Variants in PVT1 observed in about 807,000 individuals in gnomAD.
The protein encoded by PVT1 is Pvt1 oncogene.
At chr8:127,846,550 G>T (rs945850185) in intron 2 of PVT1, among the ~76,000 whole-genome samples, 26 of 152,194 alleles carry the variant, frequency 1.7e-4, no homozygotes, top group Non-Finnish European at 7.3e-5. Context: ...TGGAGCCTGT[G>T]CCGTGTGTTT....
chr8:127,900,440 C>T (rs754347997), intron 3 of PVT1, among the ~76,000 whole-genome samples: 12 of 152,140 alleles, frequency 7.9e-5, no homozygotes, highest in Non-Finnish European at 1.5e-4. Context: ...ATACAAGTAC[C>T]TCTCCTGAAC....
intron 3 of PVT1, among the ~76,000 whole-genome samples, chr8:127,916,711 G>C (rs1815990066): frequency 6.6e-6 from 1 of 152,210 alleles, no homozygotes; most frequent in African/African-American, 2.4e-5. Context: ...GAAGCAGGGA[G>C]AACTGGCCTT....
chr8:128,000,579 G>A (rs1817164228), intron 4 of PVT1, among the ~76,000 whole-genome samples: 1 of 152,262 alleles, frequency 6.6e-6, no homozygotes, highest in Non-Finnish European at 1.5e-5. Context: ...GGCCCAGAAT[G>A]GCCAGACCTG....
chr8:128,046,316 G>A (rs1378802423), intron 4 of PVT1, among the ~76,000 whole-genome samples: 1 of 152,178 alleles, frequency 6.6e-6, no homozygotes, highest in African/African-American at 2.4e-5. Flanking sequence ...GGCCCTAAGA[G>A]GCCTCTGCTG....
intron 4 of PVT1, among the ~76,000 whole-genome samples, chr8:128,055,166 C>T (rs549792245): frequency 2.2e-4 from 34 of 151,594 alleles, no homozygotes; most frequent in South Asian, 1.7e-3. Flanking sequence ...CACACACATG[C>T]ACAGACACAC....
chr8:127,953,828 TG>T (rs1816537434), intron 3 of PVT1, among the ~76,000 whole-genome samples: 1 of 152,102 alleles, frequency 6.6e-6, no homozygotes, highest in African/African-American at 2.4e-5. Context: ...TCTTTTCTTT[TG>T]TTTCCTTTTC....
chr8:127,900,378 A>T (rs1815743672), intron 3 of PVT1, among the ~76,000 whole-genome samples: 1 of 151,976 alleles, frequency 6.6e-6, no homozygotes, highest in Non-Finnish European at 1.5e-5. Flanking sequence ...AAAAAAAAAT[A>T]GATAAATGGG....
At chr8:128,092,342 C>T (rs1463517554) in intron 5 of PVT1, among the ~76,000 whole-genome samples, 3 of 152,226 alleles carry the variant, frequency 2.0e-5, no homozygotes, top group Non-Finnish European at 4.4e-5. Context: ...TTCCCTTCCC[C>T]TCCCCTGGGC....
At chr8:128,064,544 G>C (rs1813878026) in intron 4 of PVT1, among the ~76,000 whole-genome samples, 1 of 152,138 alleles carries the variant, frequency 6.6e-6, no homozygotes. Flanking sequence ...GGAGATTCCT[G>C]GGTTCCCCCA....
intron 4 of PVT1, among the ~76,000 whole-genome samples, chr8:128,011,806 T>A (rs1440851925): frequency 6.6e-6 from 1 of 151,772 alleles, no homozygotes; most frequent in African/African-American, 2.4e-5. Context: ...AGAACCAAAA[T>A]GGAAAGGTAG....
chr8:128,034,038 G>A (rs1028182999), intron 4 of PVT1, among the ~76,000 whole-genome samples: 4 of 151,808 alleles, frequency 2.6e-5, no homozygotes, highest in African/African-American at 9.7e-5. Flanking sequence ...GAGCTTACAG[G>A]TGGTACCATC....
intron 2 of PVT1, among the ~76,000 whole-genome samples, chr8:127,817,487 G>GTATATATATATATA (rs1263773181): frequency 3.3e-4 from 43 of 129,662 alleles, no homozygotes; most frequent in African/African-American, 1.3e-3. Context: ...GTGTGTGTGT[G>GTATATATATATATA]TGTGTATATA....
chr8:127,983,736 A>G (rs1051017781), intron 3 of PVT1, among the ~76,000 whole-genome samples: 1 of 152,144 alleles, frequency 6.6e-6, no homozygotes, highest in African/African-American at 2.4e-5. Context: ...CATTGCTGCA[A>G]TTGTATTATC....
chr8:127,831,250 C>G (rs1814847798), intron 2 of PVT1, among the ~76,000 whole-genome samples: 2 of 150,534 alleles, frequency 1.3e-5, no homozygotes, highest in South Asian at 4.2e-4. Flanking sequence ...GTCAGGAGTT[C>G]AAGACCAGTC....
intron 4 of PVT1, chr8:127,998,218 A>G (rs1201735006): frequency 6.6e-6 from 1 of 152,234 alleles, no homozygotes; most frequent in Non-Finnish European, 1.5e-5. Context: ...CACTGTGCAT[A>G]GCCATCCCCT....
chr8:128,096,855 G>A (rs1586518030), intron 6 of PVT1, among the ~76,000 whole-genome samples: 1 of 152,330 alleles, frequency 6.6e-6, no homozygotes, highest in East Asian at 1.9e-4. Flanking sequence ...CTTAAACTGC[G>A]ATGGGAATGA....
chr8:127,937,574 CACACACAG>C (rs993864755), intron 3 of PVT1, among the ~76,000 whole-genome samples: 3 of 96,232 alleles, frequency 3.1e-5, no homozygotes, highest in African/African-American at 1.0e-4. Context: ...CACACACACA[CACACACAG>C]AGAGAGAGAG....
rs578076392 is a variant in PVT1 at position 128,095,424 on chromosome 8, C to T, written n.1115-1094C>T. On this transcript the variant is annotated intron_variant and non_coding_transcript_variant, in intron 5 of 10. Transcript: ENST00000651587. Reference sequence around the variant, plus strand: ...GGGTGAGCACTCGGCAAATACCTGCCTTAGAAAGGTGATTAAAAGATGTAG... The same window carrying T: ...GGGTGAGCACTCGGCAAATACCTGCTTTAGAAAGGTGATTAAAAGATGTAG... Among the ~76,000 whole-genome samples the T allele has an allele frequency of 1.3e-4, 20 of 152,206 alleles. 1 individual carries two copies. The South Asian group carries it at 4.2e-3, about 32-fold the overall frequency.
At chr8:128,096,083 C>T (rs954280806) in intron 5 of PVT1, among the ~76,000 whole-genome samples, 1 of 152,168 alleles carries the variant, frequency 6.6e-6, no homozygotes, top group Non-Finnish European at 1.5e-5. Flanking sequence ...AAAAAGATAA[C>T]CAACCAGGTA....
Sources: gnomAD v4.1 joint callset for allele counts (sites outside exome capture counted in the v4.1 genomes callset) on GRCh38, gnomAD v4.1.1 for gene constraint, MANE v1.5 for transcripts, NCBI Gene and HGNC (gene_info 2026-07-23, HGNC 2026-07-21) for gene names.